CCNY: variants seen among roughly 807,000 people sequenced by gnomAD.
CCNY encodes cyclin Y.
In CCNY, 19 loss-of-function variants were observed where a neutral mutation model predicts 42.8. The ratio of observed to expected loss-of-function variants is 0.44; its 90% CI spans 0.31 to 0.65. The LOEUF is 0.65. CCNY is among the 30% of genes least tolerant of loss of function. CCNY has a pLI of 0.07. For synonymous variants in CCNY, 165 were observed against 162.7 expected (o/e 1.01, Z -0.11); for missense variants, 370 against 437.3 (o/e 0.85, Z 1.37).
intron 1 of CCNY, among the ~76,000 whole-genome samples, chr10:35,406,866 C>G (rs1346649564): frequency 2.0e-5 from 3 of 152,012 alleles, no homozygotes; most frequent in Admixed American, 6.6e-5. Flanking sequence ...GGGCTGACCC[C>G]CCCCCACCTC....
At chr10:35,519,905 G>T (rs1840513457) in intron 4 of CCNY, among the ~76,000 whole-genome samples, 1 of 148,398 alleles carries the variant, frequency 6.7e-6, no homozygotes, top group African/African-American at 2.5e-5. Context: ...AGCCTTCCGA[G>T]TAGCTGGGAT....
chr10:35,477,305 G>C (rs1589146628), intron 1 of CCNY, among the ~76,000 whole-genome samples: 1 of 151,548 alleles, frequency 6.6e-6, no homozygotes, highest in Admixed American at 6.6e-5. Context: ...GCATCATTCT[G>C]ATACCAAAGC....
intron 3 of CCNY, among the ~76,000 whole-genome samples, chr10:35,257,367 T>C (rs1374569124): frequency 6.6e-6 from 1 of 150,962 alleles, no homozygotes; most frequent in Non-Finnish European, 1.5e-5. Flanking sequence ...GGTCTCAGAC[T>C]CCTGGGCTCG....
intron 7 of CCNY, among the ~76,000 whole-genome samples, chr10:35,543,856 A>G (rs1038039543): frequency 2.6e-5 from 4 of 152,182 alleles, no homozygotes; most frequent in Non-Finnish European, 5.9e-5. Context: ...AGCGATATTG[A>G]TCATCCTCAC....
intron 1 of CCNY, among the ~76,000 whole-genome samples, chr10:35,396,106 G>A (rs1468634309): frequency 6.6e-6 from 1 of 152,166 alleles, no homozygotes; most frequent in Non-Finnish European, 1.5e-5. Context: ...TCCCCAGCAT[G>A]GCGTTTTGCA....
intron 3 of CCNY, among the ~76,000 whole-genome samples, chr10:35,274,598 T>C (rs990155811): frequency 1.3e-5 from 2 of 152,190 alleles, no homozygotes; most frequent in African/African-American, 2.4e-5. Flanking sequence ...CAATTAGCAC[T>C]AGGTCATCAA....
chr10:35,462,928 C>T (rs1165138569), intron 1 of CCNY, among the ~76,000 whole-genome samples: 1 of 152,186 alleles, frequency 6.6e-6, no homozygotes, highest in Non-Finnish European at 1.5e-5. Context: ...GTATCAGCTA[C>T]GTTAGGCCTT....
intron 1 of CCNY, among the ~76,000 whole-genome samples, chr10:35,401,084 A>C (rs969225669): frequency 6.6e-6 from 1 of 152,264 alleles, no homozygotes; most frequent in African/African-American, 2.4e-5. Context: ...GCCCCGGCCC[A>C]GGTGGCAGCT....
intron 1 of CCNY, among the ~76,000 whole-genome samples, chr10:35,416,908 A>G (rs1208949470): frequency 6.6e-6 from 1 of 152,190 alleles, no homozygotes; most frequent in Non-Finnish European, 1.5e-5. Flanking sequence ...GCCCAGCCTG[A>G]GTGTAGCAGG....
At chr10:35,458,517 A>G (rs1279897623) in intron 1 of CCNY, among the ~76,000 whole-genome samples, 1 of 152,232 alleles carries the variant, frequency 6.6e-6, no homozygotes, top group African/African-American at 2.4e-5. Context: ...TAGTATTCCC[A>G]TTCTGGGTTA....
intron 7 of CCNY, among the ~76,000 whole-genome samples, chr10:35,552,160 A>G (rs1465544784): frequency 6.6e-6 from 1 of 152,194 alleles, no homozygotes; most frequent in South Asian, 2.1e-4. Context: ...ATGATGGTGT[A>G]TATGCATACA....
intron 1 of CCNY, among the ~76,000 whole-genome samples, chr10:35,413,683 T>G (rs1837961841): frequency 6.6e-6 from 1 of 152,130 alleles, no homozygotes; most frequent in Non-Finnish European, 1.5e-5. Context: ...GGTGATGTAC[T>G]GTGTGGAGGA....
chr10:35,362,371 G>A (rs1373110496), intron 1 of CCNY, among the ~76,000 whole-genome samples: 3 of 152,200 alleles, frequency 2.0e-5, no homozygotes, highest in African/African-American at 7.2e-5. Flanking sequence ...GGGTCTTTTG[G>A]TTGGGTGGTT....
chr10:35,498,942 T>A (rs1436825617), intron 2 of CCNY, among the ~76,000 whole-genome samples: 1 of 152,214 alleles, frequency 6.6e-6, no homozygotes, highest in Non-Finnish European at 1.5e-5. Flanking sequence ...TGTAATAGAT[T>A]CAGATAGCTT....
intron 4 of CCNY, among the ~76,000 whole-genome samples, chr10:35,522,228 A>G (rs781322292): frequency 6.6e-6 from 1 of 152,138 alleles, no homozygotes; most frequent in Non-Finnish European, 1.5e-5. Flanking sequence ...GGTTCCCTCT[A>G]AACAAAGAGT....
chr10:35,396,580 G>A (rs529889844), intron 1 of CCNY, among the ~76,000 whole-genome samples: 4 of 152,356 alleles, frequency 2.6e-5, no homozygotes, highest in East Asian at 1.9e-4. Flanking sequence ...GCGTGTTCTC[G>A]GCATCTGGCA....
chr10:35,388,009 T>G (rs1837333830), intron 1 of CCNY, among the ~76,000 whole-genome samples: 1 of 152,176 alleles, frequency 6.6e-6, no homozygotes. Flanking sequence ...GCTGGGCCAG[T>G]GTCCAGGAGG....
At chr10:35,434,007 C>T (rs1013101301) in intron 1 of CCNY, 1 of 152,244 alleles carries the variant, frequency 6.6e-6, no homozygotes, top group Non-Finnish European at 1.5e-5. Context: ...CTACAAATCT[C>T]ATCAGTCATA....
chr10:35,333,719 T>C (rs1041844842), upstream of CCNY, among the ~76,000 whole-genome samples: 2 of 152,242 alleles, frequency 1.3e-5, no homozygotes, highest in African/African-American at 4.8e-5. Flanking sequence ...GCATGGCAGC[T>C]AGCAGGCTTT....
Sources: gnomAD v4.1 joint callset for allele counts (sites outside exome capture counted in the v4.1 genomes callset) on GRCh38, gnomAD v4.1.1 for gene constraint, MANE v1.5 for transcripts, NCBI Gene and HGNC (gene_info 2026-07-23, HGNC 2026-07-21) for gene names.